SLC19A1: variants seen among roughly 807,000 people sequenced by gnomAD.
The protein encoded by SLC19A1 is solute carrier family 19 member 1, also known as reduced folate transporter.
SLC19A1 carries 37 observed loss-of-function variants against 35.3 expected under a neutral mutation model. That is an observed-to-expected ratio of 1.05 (90% CI 0.81 to 1.38). SLC19A1 has a LOEUF of 1.38. Ranked by LOEUF, SLC19A1 falls within the 40% of genes most tolerant of loss-of-function variation. The pLI, the probability that SLC19A1 is intolerant of heterozygous loss-of-function variation, is 0.00. For synonymous variants in SLC19A1, 460 were observed against 398.5 expected (o/e 1.15, Z -1.84); for missense variants, 831 against 826.9 (o/e 1.00, Z -0.06).
At chr21:45,535,816 G>A (rs2078093142) in intron 2 of SLC19A1, among the ~76,000 whole-genome samples, 2 of 152,354 alleles carry the variant, frequency 1.3e-5, no homozygotes, top group South Asian at 2.1e-4. Flanking sequence ...GAACAGCCTC[G>A]AACCCACGTG....
Position 45,513,081 on chromosome 21 carries a change from C to G in SLC19A1, c.*2577G>C, listed in dbSNP as rs1282797543. 6.5e-6 allele frequency: 1 copy of G among 154,720 alleles called. No homozygotes were observed. Among genetic ancestry groups the G allele is most frequent in the African/African-American group, 2.4e-5 (1 of 41,462 alleles). 9.6% of individuals were successfully genotyped at this position (154,720 alleles called of 1,614,324 possible). Reference sequence around the variant, plus strand: ...GCACAGCAGCCTGGGGCTGGCCTCCCAAATGAGCCATGAGATGATACATCC... The same window carrying G: ...GCACAGCAGCCTGGGGCTGGCCTCCGAAATGAGCCATGAGATGATACATCC... On this transcript the variant is annotated 3_prime_UTR_variant, in exon 6 of 6. Transcript: ENST00000311124.
chr21:45,510,328 A>C, downstream of SLC19A1: 2 of 1,507,340 alleles, frequency 1.3e-6, no homozygotes, highest in Non-Finnish European at 1.8e-6. Flanking sequence ...GTGAACTCCC[A>C]GCGGGGAGCT....
downstream of SLC19A1, chr21:45,510,258 C>T (rs886057134): frequency 6.2e-7 from 1 of 1,603,170 alleles, no homozygotes; most frequent in Admixed American, 1.7e-5. Flanking sequence ...TCGTCAACCT[C>T]AAGGTGGGTC....
At chr21:45,512,204 T>C, downstream of SLC19A1, 1 of 1,612,320 alleles carries the variant, frequency 6.2e-7, no homozygotes, top group Non-Finnish European at 8.5e-7. Context: ...GAAGAGCGTG[T>C]GGCATGGCTC....
chr21:45,511,845 G>A (rs143978773), downstream of SLC19A1, among the ~76,000 whole-genome samples: 1 of 152,348 alleles, frequency 6.6e-6, no homozygotes, highest in African/African-American at 2.4e-5. Flanking sequence ...CTGAAAGCCA[G>A]GAGCCCGGGA....
chr21:45,509,044 G>A (rs935424851), downstream of SLC19A1, among the ~76,000 whole-genome samples: 1 of 152,134 alleles, frequency 6.6e-6, no homozygotes, highest in Non-Finnish European at 1.5e-5. Flanking sequence ...TGAGGTCAGG[G>A]GCCCTGAATT....
intron 5 of SLC19A1, among the ~76,000 whole-genome samples, chr21:45,520,051 G>A (rs536860984): frequency 6.6e-6 from 1 of 152,078 alleles, no homozygotes; most frequent in South Asian, 2.1e-4. Flanking sequence ...ATAACAGAAA[G>A]ATAACAGGAA....
At chr21:45,543,534 C>CG (rs778239563), upstream of SLC19A1, among the ~76,000 whole-genome samples, 4 of 152,144 alleles carry the variant, frequency 2.6e-5, no homozygotes, top group Non-Finnish European at 4.4e-5. Flanking sequence ...CCTGGTGTTG[C>CG]GGGGGTGCTC....
downstream of SLC19A1, among the ~76,000 whole-genome samples, chr21:45,508,134 GGTGGATGGAAAGGTGGGTGA>G (rs1361643584): frequency 1.8e-4 from 27 of 151,756 alleles, no homozygotes; most frequent in Non-Finnish European, 2.7e-4. Flanking sequence ...CGGGTGGGTG[GGTGGATGGAAAGGTGGGTGA>G]GTGGATAGGT....
rs1333602438 is a variant in SLC19A1 at position 45,505,394 on chromosome 21, C to T, written c.498-6782G>A. ...CCCGGCCCTCCGGGCCCCCCTGGGC[C>T]CCCTGGGCCCCCTGGAACCATGGGC... On this transcript the variant is annotated intron_variant, in intron 3 of 4. Coordinates refer to the SLC19A1 transcript ENST00000417954. 2.3e-5 allele frequency: 37 copies of T among 1,586,754 alleles called. No homozygotes were observed. The highest frequency in any genetic ancestry group is 3.2e-5 in the Non-Finnish European group (37 of 1,160,980).
At chr21:45,523,426 C>A (rs377041895) in intron 5 of SLC19A1, among the ~76,000 whole-genome samples, 1 of 152,230 alleles carries the variant, frequency 6.6e-6, no homozygotes, top group Non-Finnish European at 1.5e-5. Context: ...CTGTCTCCCC[C>A]ACAGCCTCCA....
At chr21:45,556,160 C>T (rs947359220) in intron 1 of SLC19A1, among the ~76,000 whole-genome samples, 1 of 152,232 alleles carries the variant, frequency 6.6e-6, no homozygotes, top group African/African-American at 2.4e-5. Context: ...CCGTTCCAGT[C>T]CCCGGAAGAG....
At chr21:45,555,182 GCA>G (rs1389672742) in intron 1 of SLC19A1, among the ~76,000 whole-genome samples, 8 of 52,360 alleles carry the variant, frequency 1.5e-4, no homozygotes, top group East Asian at 7.8e-4. Context: ...AGGGGGCGGT[GCA>G]GGGGGCGGCG....
intron 5 of SLC19A1, among the ~76,000 whole-genome samples, chr21:45,518,675 C>T (rs2038085682): frequency 6.6e-6 from 1 of 151,958 alleles, no homozygotes; most frequent in Non-Finnish European, 1.5e-5. Context: ...CATCAAAAAT[C>T]CTGAAAGCTA....
downstream of SLC19A1, chr21:45,509,571 C>A (rs766174875): frequency 3.3e-6 from 5 of 1,528,968 alleles, no homozygotes; most frequent in South Asian, 5.9e-5. Flanking sequence ...CAAGCCCACC[C>A]GCCCACAGCC....
chr21:45,504,755 C>T (rs1178741862), intron 3 of SLC19A1, among the ~76,000 whole-genome samples: 2 of 152,138 alleles, frequency 1.3e-5, no homozygotes, highest in African/African-American at 2.4e-5. Context: ...GGACACCCCC[C>T]GTCCCCCTGC....
At chr21:45,560,104 A>G (rs1347439268) in intron 1 of SLC19A1, among the ~76,000 whole-genome samples, 3 of 151,728 alleles carry the variant, frequency 2.0e-5, no homozygotes, top group Non-Finnish European at 4.4e-5. Flanking sequence ...ACGTGGGCAT[A>G]GGGGAGCCCT....
chr21:45,551,623 T>A (rs144506164), intron 1 of SLC19A1, among the ~76,000 whole-genome samples: 1 of 152,362 alleles, frequency 6.6e-6, no homozygotes, highest in East Asian at 1.9e-4. Flanking sequence ...TTTTATAAAG[T>A]TCAGATCAAA....
At chr21:45,558,120 G>A (rs2078581516) in intron 1 of SLC19A1, among the ~76,000 whole-genome samples, 1 of 152,248 alleles carries the variant, frequency 6.6e-6, no homozygotes, top group Admixed American at 6.5e-5. Flanking sequence ...AGCACGTCCC[G>A]TGCTGACGAG....
Sources: gnomAD v4.1 joint callset for allele counts (sites outside exome capture counted in the v4.1 genomes callset) on GRCh38, gnomAD v4.1.1 for gene constraint, MANE v1.5 for transcripts, NCBI Gene and HGNC (gene_info 2026-07-23, HGNC 2026-07-21) for gene names.